Variants in CDYL2 observed in about 807,000 individuals in gnomAD.
CDYL2 encodes chromodomain Y-like protein 2.
Under a neutral mutation model 49.4 loss-of-function variants are expected in CDYL2, and 23 were observed. The observed-to-expected ratio is 0.47, with a 90% confidence interval of 0.34 to 0.66. CDYL2 has a LOEUF of 0.66. CDYL2 is among the 30% of genes least tolerant of loss of function. CDYL2 has a pLI of 0.01. For missense variants in CDYL2, 678 were observed against 656.4 expected (o/e 1.03, Z -0.36); for synonymous variants, 360 against 268.8 (o/e 1.34, Z -3.32).
At chr16:80,663,310 A>G (rs1909125719) in intron 2 of CDYL2, among the ~76,000 whole-genome samples, 1 of 151,446 alleles carries the variant, frequency 6.6e-6, no homozygotes, top group Admixed American at 6.6e-5. Flanking sequence ...TAAATAAAAG[A>G]GAAGACTCAT....
intron 2 of CDYL2, among the ~76,000 whole-genome samples, chr16:80,651,331 G>C (rs976739743): frequency 6.6e-6 from 1 of 152,116 alleles, no homozygotes; most frequent in African/African-American, 2.4e-5. Flanking sequence ...TACTAAGTTA[G>C]GGAAGCCAGT....
intron 6 of CDYL2, among the ~76,000 whole-genome samples, chr16:80,607,583 A>G (rs1267107704): frequency 2.0e-5 from 3 of 152,174 alleles, no homozygotes; most frequent in African/African-American, 4.8e-5. Flanking sequence ...CTTAATTAAA[A>G]ACCACTGCCT....
intron 1 of CDYL2, among the ~76,000 whole-genome samples, chr16:80,689,735 A>C (rs965228871): frequency 3.3e-5 from 5 of 152,252 alleles, no homozygotes; most frequent in Non-Finnish European, 7.3e-5. Flanking sequence ...GCGTGCAACA[A>C]GAAACCTCGC....
intron 1 of CDYL2, among the ~76,000 whole-genome samples, chr16:80,726,667 A>T (rs1454542680): frequency 6.6e-6 from 1 of 151,986 alleles, no homozygotes; most frequent in East Asian, 1.9e-4. Context: ...TAAAAGGAGC[A>T]AGGGCTTCTT....
At chr16:80,764,972 A>G (rs1308543949) in intron 1 of CDYL2, among the ~76,000 whole-genome samples, 3 of 149,636 alleles carry the variant, frequency 2.0e-5, no homozygotes, top group Non-Finnish European at 4.4e-5. Context: ...AGGCAGGAGA[A>G]TGGCTTGAAC....
At chr16:80,709,165 C>T (rs775007235) in intron 1 of CDYL2, among the ~76,000 whole-genome samples, 4 of 152,108 alleles carry the variant, frequency 2.6e-5, no homozygotes, top group Non-Finnish European at 4.4e-5. Flanking sequence ...GGGCAGATCA[C>T]GAAGTCAACA....
chr16:80,606,801 C>T (rs374115374), intron 6 of CDYL2, among the ~76,000 whole-genome samples: 12 of 152,236 alleles, frequency 7.9e-5, no homozygotes, highest in African/African-American at 2.6e-4. Flanking sequence ...GAAGAAGTCT[C>T]AAGAGATCTG....
chr16:80,696,740 C>A (rs1341398262), intron 1 of CDYL2, among the ~76,000 whole-genome samples: 2 of 150,446 alleles, frequency 1.3e-5, no homozygotes, highest in Non-Finnish European at 1.5e-5. Flanking sequence ...AGCCTCCCAA[C>A]AAAGAAAAGT....
chr16:80,624,380 G>C (rs183247047), intron 3 of CDYL2, among the ~76,000 whole-genome samples: 121 of 152,290 alleles, frequency 7.9e-4, no homozygotes, highest in African/African-American at 2.8e-3. Flanking sequence ...ATGTGGATTT[G>C]AAGTTCTGAG....
intron 1 of CDYL2, among the ~76,000 whole-genome samples, chr16:80,803,139 CCTTGTGTTGTCCA>C (rs779406407): frequency 1.3e-5 from 2 of 152,290 alleles, no homozygotes; most frequent in Non-Finnish European, 2.9e-5. Flanking sequence ...GCTGGCTGTT[CCTTGTGTTGTCCA>C]CTTGTGGAAA....
Position 80,789,378 on chromosome 16 carries a change from G to A in CDYL2, c.24+14772C>T, listed in dbSNP as rs968382833. On this transcript the variant is annotated intron_variant, in intron 1 of 6. Coordinates refer to ENST00000570137, the MANE Select transcript of CDYL2 (RefSeq NM_152342.4). Reference sequence around the variant, plus strand: ...AGCACTTTGGAAGGCCGAGGGGGTGGATCACGAGGTCAGGAGTTCAAGACC... The same window carrying A: ...AGCACTTTGGAAGGCCGAGGGGGTGAATCACGAGGTCAGGAGTTCAAGACC... 6.6e-5 allele frequency among the ~76,000 whole-genome samples: 10 copies of A among 152,268 alleles called. No homozygotes were observed. In the East Asian group the frequency reaches 1.9e-3, roughly 29 times the overall value.
At chr16:80,767,955 G>A (rs1370191785) in intron 1 of CDYL2, among the ~76,000 whole-genome samples, 2 of 152,130 alleles carry the variant, frequency 1.3e-5, no homozygotes, top group Admixed American at 1.3e-4. Context: ...ACGGATGCAG[G>A]GCTGTATGAA....
chr16:80,721,243 G>A lies in CDYL2; in HGVS notation c.25-36114C>T, dbSNP rs146536524. Reference sequence around the variant, plus strand: ...TCTGCACATGTTAGATATTTTACTTGCAGTAATTTATTTAATCCTCCCAAC... The same window carrying A: ...TCTGCACATGTTAGATATTTTACTTACAGTAATTTATTTAATCCTCCCAAC... On this transcript the variant is annotated intron_variant, in intron 1 of 6. Transcript: ENST00000570137. 1.1e-4 allele frequency among the ~76,000 whole-genome samples: 17 copies of A among 152,320 alleles called. No individual in the cohort carries two copies. The East Asian group carries it at 3.1e-3, about 28-fold the overall frequency.
intron 1 of CDYL2, among the ~76,000 whole-genome samples, chr16:80,731,105 T>C (rs1469532550): frequency 1.3e-5 from 2 of 152,178 alleles, no homozygotes; most frequent in Non-Finnish European, 2.9e-5. Flanking sequence ...CAAATTGTTG[T>C]ACATAAATTA....
intron 2 of CDYL2, among the ~76,000 whole-genome samples, chr16:80,652,945 A>C (rs1447131475): frequency 2.0e-5 from 3 of 152,226 alleles, no homozygotes. Context: ...ATTAAACATA[A>C]TATTCTCTGA....
intron 1 of CDYL2, among the ~76,000 whole-genome samples, chr16:80,802,271 C>T (rs1209281388): frequency 6.6e-6 from 1 of 152,206 alleles, no homozygotes; most frequent in Admixed American, 6.5e-5. Flanking sequence ...CAAGACACAA[C>T]TTTTCACTCA....
At chr16:80,716,754 T>C (rs955590685) in intron 1 of CDYL2, among the ~76,000 whole-genome samples, 1 of 151,162 alleles carries the variant, frequency 6.6e-6, no homozygotes, top group Non-Finnish European at 1.5e-5. Flanking sequence ...GGATGGATGA[T>C]AGATGGATGA....
chr16:80,796,533 T>G (rs143119046), intron 1 of CDYL2, among the ~76,000 whole-genome samples: 1 of 152,334 alleles, frequency 6.6e-6, no homozygotes, highest in East Asian at 1.9e-4. Flanking sequence ...ATGTTCTACT[T>G]TTTTCTCCAA....
chr16:80,619,497 G>A (rs911875803), intron 4 of CDYL2, among the ~76,000 whole-genome samples: 12 of 152,170 alleles, frequency 7.9e-5, no homozygotes, highest in African/African-American at 2.9e-4. Context: ...ACGCTCCACG[G>A]GTCACAAAAA....
Sources: gnomAD v4.1 joint callset for allele counts (sites outside exome capture counted in the v4.1 genomes callset) on GRCh38, gnomAD v4.1.1 for gene constraint, MANE v1.5 for transcripts, NCBI Gene and HGNC (gene_info 2026-07-23, HGNC 2026-07-21) for gene names.